The following CLEC20A variants were observed in gnomAD, a reference collection of about 807,000 sequenced individuals.
The protein encoded by CLEC20A is C-type lectin domain containing 20A.
At chr1:178,490,495 G>A (rs1401357017) in intron 3 of CLEC20A, 58 bp from the exon 4 acceptor site, 1 of 398,194 alleles carries the variant, frequency 2.5e-6, no homozygotes, top group African/African-American at 2.1e-5. Flanking sequence ...TGACAGCCCA[G>A]CCTTCATCAC....
chr1:178,483,549 G>A (rs1173410430), intron 5 of CLEC20A: 1 of 306,084 alleles, frequency 3.3e-6, no homozygotes, highest in Non-Finnish European at 5.9e-6. Context: ...CTTGGGCAAT[G>A]TTAGGAGGTT....
Position 178,487,560 on chromosome 1 carries a change from G to A in CLEC20A, c.928+941C>T, listed in dbSNP as rs545054742. ...ATAGTTATAAAGTCACCTCCTCTGC[G>A]AAATCCCCTGGACAATTACAGGGGG... On this transcript the variant is annotated intron_variant, in intron 5 of 7. Coordinates refer to ENST00000623247, the Ensembl canonical transcript of CLEC20A. Among the ~76,000 whole-genome samples the A allele has an allele frequency of 2.0e-5, 3 of 152,258 alleles. No homozygotes were observed. The South Asian group carries it at 6.2e-4, about 32-fold the overall frequency.
exon 1 of CLEC20A, chr1:178,496,912 A>C: frequency 5.0e-6 from 2 of 399,236 alleles, no homozygotes; most frequent in Non-Finnish European, 8.8e-6. Context: ...GCTGCGCAGA[A>C]GGAGAGCAGC....
At chr1:178,492,474 A>G (rs1649287437) in intron 3 of CLEC20A, 27 bp downstream of exon 3, 3 of 398,378 alleles carry the variant, frequency 7.5e-6, no homozygotes, top group Non-Finnish European at 1.3e-5. Flanking sequence ...AAATTCCCAG[A>G]AAAGGGAATG....
At chr1:178,486,484 C>T in intron 5 of CLEC20A, 1 of 398,788 alleles carries the variant, frequency 2.5e-6, no homozygotes, top group Non-Finnish European at 4.4e-6. Flanking sequence ...GGTGTCTTGG[C>T]TCAGGGCTGC....
intron 5 of CLEC20A, among the ~76,000 whole-genome samples, chr1:178,485,761 T>C (rs1649117941): frequency 6.6e-6 from 1 of 152,210 alleles, no homozygotes; most frequent in African/African-American, 2.4e-5. Flanking sequence ...CATCTACCAA[T>C]GTGCACTATC....
chr1:178,493,396 T>G (rs747613059), intron 2 of CLEC20A: 1 of 152,206 alleles, frequency 6.6e-6, no homozygotes, highest in African/African-American at 2.4e-5. Context: ...ATAACCCTAT[T>G]TGAGAGGTGA....
Position 178,488,993 on chromosome 1 carries a change from T to C in CLEC20A, c.830-394A>G, listed in dbSNP as rs546180392. On this transcript the variant is annotated intron_variant, in intron 4 of 7. Transcript: ENST00000623247. ...GGTGGGGGGGGCGGTGATGAAAATG[T>C]CCTAAAATCAGATTAGTGATGATAG... Among the ~76,000 whole-genome samples, 3 of 152,222 alleles carry C rather than the reference T, an allele frequency of 2.0e-5. No individual in the cohort carries two copies. The South Asian group carries it at 6.2e-4, about 32-fold the overall frequency.
intron 7 of CLEC20A, 106 bp downstream of exon 7, chr1:178,482,206 A>C (rs75694848): frequency 0.067 from 26,770 of 397,046 alleles, 1,094 homozygotes; most frequent in Middle Eastern, 0.092. Context: ...GAACAAGATG[A>C]GGTCATATTC....
chr1:178,488,162 C>T (rs971337759), intron 5 of CLEC20A, among the ~76,000 whole-genome samples: 3 of 152,214 alleles, frequency 2.0e-5, no homozygotes, highest in African/African-American at 7.2e-5. Context: ...GCATCTTCCC[C>T]TCCACCTCCC....
intron 2 of CLEC20A, chr1:178,493,589 G>A (rs1196881908): frequency 6.6e-6 from 1 of 152,440 alleles, no homozygotes; most frequent in African/African-American, 2.4e-5. Context: ...CACAAGGAGG[G>A]GGCTGCTGTT....
intron 7 of CLEC20A, chr1:178,481,286 C>T (rs936218853): frequency 3.3e-5 from 5 of 152,170 alleles, no homozygotes; most frequent in Admixed American, 2.0e-4. Context: ...TACTCACACA[C>T]ACATATTACT....
At chr1:178,482,225 T>C in intron 7 of CLEC20A, 87 bp downstream of exon 7, 1 of 397,878 alleles carries the variant, frequency 2.5e-6, no homozygotes, top group Non-Finnish European at 4.4e-6. Flanking sequence ...TCCACAGGTT[T>C]TCCACCTTAA....
intron 7 of CLEC20A, chr1:178,481,056 T>C (rs183669923): frequency 2.6e-5 from 4 of 152,328 alleles, no homozygotes; most frequent in African/African-American, 7.2e-5. Flanking sequence ...GTTCTTTCAA[T>C]AGCAAAATGT....
intron 1 of CLEC20A, chr1:178,496,546 G>A (rs899598197): frequency 6.8e-5 from 17 of 251,384 alleles, no homozygotes; most frequent in African/African-American, 2.4e-4. Context: ...CACAACGCCC[G>A]TCCCTGTCCA....
At chr1:178,485,752 ATC>A (rs1408221766) in intron 5 of CLEC20A, among the ~76,000 whole-genome samples, 25 of 152,240 alleles carry the variant, frequency 1.6e-4, no homozygotes, top group African/African-American at 6.0e-4. Flanking sequence ...CAATTAAATC[ATC>A]TACCAATGTG....
chr1:178,485,651 A>G (rs1649115015), intron 5 of CLEC20A, among the ~76,000 whole-genome samples: 1 of 152,218 alleles, frequency 6.6e-6, no homozygotes, highest in South Asian at 2.1e-4. Context: ...CTATGAGACC[A>G]TGTGCTTCTA....
chr1:178,484,234 G>A (rs759375260), intron 5 of CLEC20A: 4 of 152,122 alleles, frequency 2.6e-5, no homozygotes, highest in East Asian at 1.9e-4. Flanking sequence ...ATTTCTGTAC[G>A]AAAGATTATG....
downstream of CLEC20A, chr1:178,479,069 G>A (rs1648868312): frequency 6.6e-6 from 1 of 152,408 alleles, no homozygotes; most frequent in African/African-American, 2.4e-5. Flanking sequence ...CATGTATTGT[G>A]ATAAAACTGT....
Sources: allele counts gnomAD v4.1 joint callset (sites outside exome capture counted in the v4.1 genomes callset), GRCh38; gene constraint gnomAD v4.1.1; transcripts MANE v1.5; gene names NCBI Gene and HGNC (gene_info 2026-07-23, HGNC 2026-07-21).